The following CLUAP1 variants were observed in gnomAD, a reference collection of about 807,000 sequenced individuals.
CLUAP1 encodes clusterin-associated protein 1.
CLUAP1 carries 50 observed loss-of-function variants against 55.0 expected under a neutral mutation model. That is an observed-to-expected ratio of 0.91 (90% confidence interval 0.72 to 1.15). The LOEUF (loss-of-function observed/expected upper bound fraction) is 1.15, where lower values mean the gene tolerates loss of function less well. Ranked by LOEUF, CLUAP1 falls within the 50% of genes most tolerant of loss-of-function variation. The pLI, the probability that CLUAP1 is intolerant of heterozygous loss-of-function variation, is 0.00. For synonymous variants in CLUAP1, 195 were observed against 175.4 expected (o/e 1.11, Z -0.88); for missense variants, 530 against 507.6 (o/e 1.04, Z -0.42).
In CLUAP1 at chr16:3,530,582, G is replaced by C. The variant is rs781271622; in HGVS notation, c.943G>C (p.Asp315His). ...LLKSGSNDDSDIDIQEDDESD... is the reference protein window; with the variant it reads ...LLKSGSNDDSHIDIQEDDESD... ...GTTCCTGCTAGGTAACGATGACTCG[G>C]ACATAGACATCCAGGAGGACGATGA... Residue 315 changes from aspartate to histidine, a missense_variant, in exon 10 of 12, where the codon GAC becomes CAC. Coordinates refer to ENST00000576634, the MANE Select transcript of CLUAP1 (RefSeq NM_015041.3). 5.9e-5 allele frequency: 95 copies of C among 1,613,772 alleles called. 2 individuals are homozygous for C. In the South Asian group the frequency reaches 1.0e-3, roughly 17 times the overall value.
intron 11 of CLUAP1, chr16:3,535,436 T>C (rs2038211383): frequency 6.6e-6 from 1 of 151,916 alleles, no homozygotes; most frequent in African/African-American, 2.4e-5. Context: ...ATGATCTAGA[T>C]AGAACGACCA....
chr16:3,505,592 T>C (rs1392727952), intron 2 of CLUAP1, among the ~76,000 whole-genome samples: 3 of 147,676 alleles, frequency 2.0e-5, no homozygotes, highest in Non-Finnish European at 3.0e-5. Context: ...TAAAGAATGC[T>C]GTGGGAGTGG....
chr16:3,532,733 C>T (rs2038150496), intron 10 of CLUAP1, 53 bp from the exon 11 acceptor site: 19 of 1,581,210 alleles, frequency 1.2e-5, no homozygotes, highest in Non-Finnish European at 1.7e-5. Context: ...ATGCTATTTC[C>T]TGCTTTATTT....
At chr16:3,510,634 C>T (rs941359332) in intron 4 of CLUAP1, among the ~76,000 whole-genome samples, 3 of 152,194 alleles carry the variant, frequency 2.0e-5, no homozygotes, top group East Asian at 3.8e-4. Context: ...CTGTACTCTA[C>T]GGGAACCACT....
At chr16:3,500,175 G>C (rs1007159682), upstream of CLUAP1, among the ~76,000 whole-genome samples, 2 of 152,144 alleles carry the variant, frequency 1.3e-5, no homozygotes, top group Non-Finnish European at 2.9e-5. Flanking sequence ...GCCGGGACCC[G>C]CGCGGCGCGA....
In CLUAP1 at chr16:3,506,201, C is replaced by G. The variant is rs1596383626; in HGVS notation, c.135-130C>G. Reference sequence around the variant, plus strand: ...TTTTGCTTTTGAAGTTTGCCTTGATCTCACTCTCCCACTTGGGGACTTGGA... The same window carrying G: ...TTTTGCTTTTGAAGTTTGCCTTGATGTCACTCTCCCACTTGGGGACTTGGA... On this transcript the variant is annotated intron_variant, in intron 2 of 11. Transcript: ENST00000576634. 4.3e-5 allele frequency: 31 copies of G among 715,720 alleles called. No homozygotes were observed. In the South Asian group the frequency reaches 4.9e-4, roughly 11 times the overall value. 44.3% of individuals were successfully genotyped at this position (715,720 alleles called of 1,614,324 possible). A position where few individuals can be genotyped will look rare whatever the true frequency, so the allele number is the denominator to read the frequency against.
chr16:3,512,199 A>AT (rs1367762898), intron 4 of CLUAP1, among the ~76,000 whole-genome samples, 184 bp from the exon 5 acceptor site: 2 of 150,652 alleles, frequency 1.3e-5, no homozygotes, highest in Non-Finnish European at 3.0e-5. Flanking sequence ...AAAAAAAAAA[A>AT]AAAAAATCTG....
intron 10 of CLUAP1, among the ~76,000 whole-genome samples, chr16:3,532,090 C>G (rs1283444859): frequency 6.6e-6 from 1 of 152,032 alleles, no homozygotes; most frequent in Admixed American, 6.5e-5. Context: ...CCACCCGCCT[C>G]GGCCTCCCAA....
chr16:3,521,445 T>G lies in CLUAP1; in HGVS notation c.713+1409T>G, dbSNP rs141134165. Among the ~76,000 whole-genome samples, 813 of 151,678 alleles carry G rather than the reference T, an allele frequency of 5.4e-3. 9 individuals are homozygous for G. The highest frequency in any genetic ancestry group is 0.04 in the East Asian group (209 of 5,166). ...TATGGTTTTTTTTGTTTTTGTTTTTTTTTTTTGAGTTGGAGTTTCGCTCTT... is the reference window on the plus strand; with the variant it reads ...TATGGTTTTTTTTGTTTTTGTTTTTGTTTTTTGAGTTGGAGTTTCGCTCTT... On this transcript the variant is annotated intron_variant, in intron 7 of 11. Coordinates refer to ENST00000576634, the MANE Select transcript of CLUAP1 (RefSeq NM_015041.3).
chr16:3,538,220 G>A lies in CLUAP1; in HGVS notation c.*1949G>A, dbSNP rs183753111. ...TACTTATTCAGGAGTTCACAGGTAC[G>A]AAAAGATACACATAAATTTTAGGAA... is the stretch of plus-strand genomic sequence containing the variant. On this transcript the variant is annotated 3_prime_UTR_variant, in exon 12 of 12. Coordinates refer to ENST00000576634, the MANE Select transcript of CLUAP1 (RefSeq NM_015041.3). The A allele has an allele frequency of 1.5e-4, 23 of 151,530 alleles. No homozygotes were observed. The highest frequency in any genetic ancestry group is 1.3e-3 in the Admixed American group (19 of 15,200). 9.4% of individuals were successfully genotyped at this position (151,530 alleles called of 1,614,324 possible). A position where few individuals can be genotyped will look rare whatever the true frequency, so the allele number is the denominator to read the frequency against.
At chr16:3,497,106 G>C (rs191569686), upstream of CLUAP1, among the ~76,000 whole-genome samples, 51 of 151,708 alleles carry the variant, frequency 3.4e-4, no homozygotes, top group Admixed American at 2.8e-3. Flanking sequence ...CCTGACGTCA[G>C]GTGATCCGCC....
At chr16:3,496,368 G>T (rs2037309711), upstream of CLUAP1, 2 of 1,183,228 alleles carry the variant, frequency 1.7e-6, no homozygotes, top group Non-Finnish European at 1.2e-6. Flanking sequence ...TTTATGAGTC[G>T]CACCAACCGG....
At chr16:3,500,963 G>A (rs1331000818), upstream of CLUAP1, 7 of 1,203,702 alleles carry the variant, frequency 5.8e-6, no homozygotes, top group African/African-American at 1.1e-4. Flanking sequence ...CTGACCGTGC[G>A]CCGTCCAAGG....
intron 7 of CLUAP1, among the ~76,000 whole-genome samples, chr16:3,522,232 C>G (rs753524049): frequency 6.6e-6 from 1 of 151,946 alleles, no homozygotes; most frequent in Non-Finnish European, 1.5e-5. Flanking sequence ...GGCGCAATCT[C>G]GGCTCACTGC....
intron 7 of CLUAP1, among the ~76,000 whole-genome samples, chr16:3,522,322 C>G (rs2037854180): frequency 6.6e-6 from 1 of 152,076 alleles, no homozygotes; most frequent in South Asian, 2.1e-4. Context: ...TGCCACCACG[C>G]CTGGCTAATG....
At chr16:3,501,204 C>G in intron 1 of CLUAP1, 115 bp downstream of exon 1, 4 of 1,101,542 alleles carry the variant, frequency 3.6e-6, no homozygotes, top group Non-Finnish European at 5.2e-6. Context: ...AGGCTCCTTT[C>G]GGGCCTCTGC....
In CLUAP1 at chr16:3,537,890, T is replaced by TGG. The variant is rs1193421718; in HGVS notation, c.*1622_*1623dup. The TGG allele has an allele frequency of 2.1e-5, 3 of 144,864 alleles. No homozygotes were observed. The highest frequency in any genetic ancestry group is 4.5e-5 in the Non-Finnish European group (3 of 67,294). 9.0% of individuals were successfully genotyped at this position (144,864 alleles called of 1,614,324 possible). A position where few individuals can be genotyped will look rare whatever the true frequency, so the allele number is the denominator to read the frequency against. ...AGCGCATGCCTGTAACCCCAGCTACTGGGGAGGCTGAGGCAGGAGAATCGC... is the reference window on the plus strand; with the variant it reads ...AGCGCATGCCTGTAACCCCAGCTACTGGGGGGAGGCTGAGGCAGGAGAATCGC... On this transcript the variant is annotated 3_prime_UTR_variant, in exon 12 of 12. Coordinates refer to ENST00000576634, the MANE Select transcript of CLUAP1 (RefSeq NM_015041.3).
chr16:3,532,961 C>G (rs773468321), intron 11 of CLUAP1, 120 bp downstream of exon 11: 9 of 1,377,622 alleles, frequency 6.5e-6, no homozygotes, highest in Non-Finnish European at 5.1e-6. Flanking sequence ...CCGGCCGTGC[C>G]TCGATGCGTG....
chr16:3,515,221 A>G (rs2037707668), intron 5 of CLUAP1, among the ~76,000 whole-genome samples: 1 of 152,078 alleles, frequency 6.6e-6, no homozygotes, highest in African/African-American at 2.4e-5. Flanking sequence ...AGCAGCAGCA[A>G]ATTTGGGAGA....
Sources: gnomAD v4.1 joint callset for allele counts (sites outside exome capture counted in the v4.1 genomes callset) on GRCh38, gnomAD v4.1.1 for gene constraint, MANE v1.5 for transcripts, NCBI Gene and HGNC (gene_info 2026-07-23, HGNC 2026-07-21) for gene names.